Variants in SHROOM3 observed in about 807,000 individuals in gnomAD.
SHROOM3 encodes shroom family member 3.
SHROOM3 carries 47 observed loss-of-function variants against 138.6 expected under a neutral mutation model. That is an observed-to-expected ratio of 0.34 (90% CI 0.27 to 0.43). The LOEUF is 0.43. SHROOM3 is among the 20% of genes least tolerant of loss of function. The probability of loss-of-function intolerance (pLI) is 1.00; values close to 1 mark genes in which losing one functional copy is unlikely to be tolerated. For synonymous variants in SHROOM3, 1,062 were observed against 1,063.3 expected (o/e 1.00, Z 0.02); for missense variants, 2,491 against 2,596.5 (o/e 0.96, Z 0.88).
intron 1 of SHROOM3, among the ~76,000 whole-genome samples, chr4:76,473,062 A>G (rs1335030729): frequency 6.6e-6 from 1 of 152,256 alleles, no homozygotes; most frequent in African/African-American, 2.4e-5. Flanking sequence ...TGATTTAGCC[A>G]TTCTGCAATG....
At chr4:76,597,948 T>G (rs187401979) in intron 2 of SHROOM3, among the ~76,000 whole-genome samples, 52 of 152,078 alleles carry the variant, frequency 3.4e-4, no homozygotes, top group African/African-American at 1.3e-3. Flanking sequence ...TTTGTGAGCA[T>G]GCAAATCTGA....
In SHROOM3 at chr4:76,778,851, G is replaced by A; in HGVS notation, c.5665G>A (p.Glu1889Lys). ...EKRKILAGQH[E>K]DARELKENLD... The stretch of plus-strand genomic sequence containing the variant: ...AAGGAAGATCCTGGCTGGTCAGCAT[G>A]AGGATGCCCGGGAGCTGAAGGAGAA... Residue 1889 changes from glutamate to lysine, a missense_variant, in exon 11 of 11, where the codon GAG (glutamate) becomes AAG (lysine). Glu to Lys is a moderately conservative substitution (Grantham distance 56, BLOSUM62 1). Around this residue, in one of 4 missense-constraint regions of SHROOM3, gnomAD observed 470 missense variants for 595.0 expected, o/e 0.79. Coordinates refer to ENST00000296043, the MANE Select transcript of SHROOM3 (RefSeq NM_020859.4). 6.2e-7 allele frequency: 1 copy of A among 1,612,780 alleles called. No homozygotes were observed. Among genetic ancestry groups the A allele is most frequent in the Non-Finnish European group, 8.5e-7 (1 of 1,180,030 alleles).
chr4:76,594,721 C>A (rs2110051112), intron 2 of SHROOM3, among the ~76,000 whole-genome samples: 1 of 152,282 alleles, frequency 6.6e-6, no homozygotes, highest in Middle Eastern at 3.4e-3. Flanking sequence ...AACAGGGAAC[C>A]ATTGGAACGC....
chr4:76,743,429 CTGTA>C (rs1363871107), intron 5 of SHROOM3, among the ~76,000 whole-genome samples: 5 of 152,216 alleles, frequency 3.3e-5, no homozygotes, highest in Non-Finnish European at 7.3e-5. Flanking sequence ...ATCAGTTCCT[CTGTA>C]TGTGACGATT....
intron 1 of SHROOM3, among the ~76,000 whole-genome samples, chr4:76,506,386 A>C (rs1732212562): frequency 6.6e-6 from 1 of 152,150 alleles, no homozygotes; most frequent in Non-Finnish European, 1.5e-5. Context: ...ATAAAAAACA[A>C]AAAGTATAAA....
intron 6 of SHROOM3, among the ~76,000 whole-genome samples, chr4:76,749,436 T>C (rs1721552561): frequency 6.6e-6 from 1 of 152,252 alleles, no homozygotes; most frequent in Admixed American, 6.5e-5. Context: ...CATGTGCTAC[T>C]GAGGACAAGG....
rs768736416 is a variant in SHROOM3, at chr4:76,756,752, G to C, written c.5013G>C (p.Leu1671Phe). The change falls in exon 8 of 11, where the codon TTG becomes TTC. Residue 1671 changes from leucine to phenylalanine, a missense_variant. Coordinates refer to ENST00000296043, the MANE Select transcript of SHROOM3 (RefSeq NM_020859.4). ...KSSEDIRTEALAKEIVHQDKS... is the reference protein window; with the variant it reads ...KSSEDIRTEAFAKEIVHQDKS... ...CAGAAGACATCAGAACAGAGGCTTTGGCCAAGGAAATTGTCCACCAAGACA... is the reference window on the plus strand; with the variant it reads ...CAGAAGACATCAGAACAGAGGCTTTCGCCAAGGAAATTGTCCACCAAGACA... 2.5e-6 allele frequency: 4 copies of C among 1,614,090 alleles called. No individual in the cohort carries two copies. The highest frequency in any genetic ancestry group is 3.4e-6 in the Non-Finnish European group (4 of 1,180,014).
chr4:76,435,768 GACGA>G lies in SHROOM3; in HGVS notation c.-281_-278del, dbSNP rs34004070. ...TCAGAGCGCCACTGAAGGAAGTTTT[GACGA>G]ACGGAGTAGAGATGTATACCACTTG... On this transcript the variant is annotated 5_prime_UTR_variant, in exon 1 of 11. The change creates a premature stop within an existing upstream ORF in the 5' untranslated region. Coordinates refer to ENST00000296043, the MANE Select transcript of SHROOM3 (RefSeq NM_020859.4). 27,746 of 306,468 alleles carry G rather than the reference GACGA, an allele frequency of 0.091. 1,801 individuals are homozygous for G. The highest frequency in any genetic ancestry group is 0.23 in the East Asian group (3,960 of 17,060). 19.0% of individuals were successfully genotyped at this position (306,468 alleles called of 1,614,324 possible). A position where few individuals can be genotyped will look rare whatever the true frequency, so the allele number is the denominator to read the frequency against.
chr4:76,709,712 G>C (rs555012908), intron 2 of SHROOM3: 10 of 255,132 alleles, frequency 3.9e-5, no homozygotes, highest in Admixed American at 1.0e-4. Context: ...GTTACACTTG[G>C]AGATCCCGCT....
intron 2 of SHROOM3, among the ~76,000 whole-genome samples, chr4:76,667,330 G>T (rs191266038): frequency 6.6e-6 from 1 of 151,588 alleles, no homozygotes; most frequent in African/African-American, 2.4e-5. Context: ...GTTTTGTTTC[G>T]TTTTTTTTAG....
At chr4:76,755,624 C>T (rs1403900028) in intron 7 of SHROOM3, among the ~76,000 whole-genome samples, 1 of 152,172 alleles carries the variant, frequency 6.6e-6, no homozygotes, top group Non-Finnish European at 1.5e-5. Context: ...CCAAGTTAAA[C>T]AGCTTTACCT....
At position 76,569,366 on chromosome 4, in the gene SHROOM3, G is replaced by C. The variant is rs1280668738; in HGVS notation, c.323+13603G>C. On this transcript the variant is annotated intron_variant, in intron 2 of 10. Transcript: ENST00000296043. ...AAGGCTCCTCTCCTGACCTCCAGAG[G>C]GGTCATTTTGGAGAAACTGCTGCCT... Among the ~76,000 whole-genome samples the C allele has an allele frequency of 2.6e-5, 4 of 152,150 alleles. No homozygotes were observed. The East Asian group carries it at 7.7e-4, about 29-fold the overall frequency.
chr4:76,435,755 T>A lies in SHROOM3; in HGVS notation c.-298T>A. 1 of 291,066 alleles carries A rather than the reference T, an allele frequency of 3.4e-6. No individual in the cohort carries two copies. The highest frequency in any genetic ancestry group is 6.4e-6 in the Non-Finnish European group (1 of 156,628). The allele number at this position is 291,066 out of a possible 1,614,324, so 18.0% of individuals were successfully genotyped here. A position where few individuals can be genotyped will look rare whatever the true frequency, so the allele number is the denominator to read the frequency against. ...AGAAAAGCAATCTTCAGAGCGCCAC[T>A]GAAGGAAGTTTTGACGAACGGAGTA... On this transcript the variant is annotated 5_prime_UTR_variant, in exon 1 of 11. Coordinates refer to ENST00000296043, the MANE Select transcript of SHROOM3 (RefSeq NM_020859.4).
intron 5 of SHROOM3, among the ~76,000 whole-genome samples, chr4:76,747,247 T>G (rs1330851797): frequency 1.4e-5 from 2 of 147,686 alleles, no homozygotes; most frequent in Non-Finnish European, 3.0e-5. Context: ...ATAGCCACTG[T>G]TTTTTTTTCC....
chr4:76,551,907 G>A lies in SHROOM3; in HGVS notation c.169-3702G>A, dbSNP rs536420772. ...GACAGAGTCTCGCTCTGTCACCCAGGCTGGAGTGCAGTGGTGCGATCTCGG... is the reference window on the plus strand; with the variant it reads ...GACAGAGTCTCGCTCTGTCACCCAGACTGGAGTGCAGTGGTGCGATCTCGG... On this transcript the variant is annotated intron_variant, in intron 1 of 10. Coordinates refer to ENST00000296043, the MANE Select transcript of SHROOM3 (RefSeq NM_020859.4). Among the ~76,000 whole-genome samples, 73 of 151,396 alleles carry A rather than the reference G, an allele frequency of 4.8e-4. 1 individual carries two copies. The South Asian group carries it at 0.015, about 31-fold the overall frequency.
intron 1 of SHROOM3, among the ~76,000 whole-genome samples, chr4:76,444,599 C>T (rs750259610): frequency 1.4e-5 from 2 of 147,602 alleles, no homozygotes; most frequent in Admixed American, 7.0e-5. Flanking sequence ...CGGGTTCAAG[C>T]GATTCTCCTG....
At chr4:76,481,936 C>T (rs1225405428) in intron 1 of SHROOM3, among the ~76,000 whole-genome samples, 1 of 152,116 alleles carries the variant, frequency 6.6e-6, no homozygotes, top group Non-Finnish European at 1.5e-5. Flanking sequence ...CAGAAAATGC[C>T]TTCAATAAAA....
intron 2 of SHROOM3, among the ~76,000 whole-genome samples, chr4:76,591,659 A>G (rs1734274981): frequency 2.0e-5 from 3 of 152,088 alleles, no homozygotes; most frequent in African/African-American, 7.3e-5. Flanking sequence ...CGTGTTATTT[A>G]GATCTATTAC....
At chr4:76,448,210 T>C (rs1416492281) in intron 1 of SHROOM3, among the ~76,000 whole-genome samples, 1 of 152,158 alleles carries the variant, frequency 6.6e-6, no homozygotes, top group African/African-American at 2.4e-5. Context: ...GGAGCCAAGA[T>C]TTAAAGCTAA....
Sources: allele counts gnomAD v4.1 joint callset (sites outside exome capture counted in the v4.1 genomes callset), GRCh38; gene constraint gnomAD v4.1.1; regional missense constraint gnomAD v4.1.1; transcripts MANE v1.5; gene names NCBI Gene and HGNC (gene_info 2026-07-23, HGNC 2026-07-21).